The following HDGFL3 variants were observed in gnomAD, a reference collection of about 807,000 sequenced individuals.
HDGFL3 encodes hepatoma-derived growth factor-related protein 3.
A neutral mutation model predicts 27.6 loss-of-function variants in HDGFL3; 6 were observed. That is an observed-to-expected ratio of 0.22 (90% confidence interval 0.12 to 0.43). The LOEUF (loss-of-function observed/expected upper bound fraction) is 0.43. HDGFL3 is among the 20% of genes least tolerant of loss of function. The pLI, the probability that HDGFL3 is intolerant of heterozygous loss-of-function variation, is 1.00. For synonymous variants in HDGFL3, 88 were observed against 88.9 expected (o/e 0.99, Z 0.05); for missense variants, 207 against 250.1 (o/e 0.83, Z 1.16).
intron 5 of HDGFL3, among the ~76,000 whole-genome samples, chr15:83,147,279 C>T (rs1291254255): frequency 6.6e-6 from 1 of 152,064 alleles, no homozygotes; most frequent in African/African-American, 2.4e-5. Context: ...CCAGGATGGT[C>T]TCGATCTCTT....
intron 2 of HDGFL3, 54 bp downstream of exon 2, chr15:83,163,940 TAACAA>T: frequency 1.8e-6 from 2 of 1,081,484 alleles, no homozygotes; most frequent in Non-Finnish European, 2.9e-6. Flanking sequence ...AGATCATCCA[TAACAA>T]TGTAGCATAG....
In HDGFL3 at chr15:83,136,627, A is replaced by G; in HGVS notation, c.*2643T>C. 4 of 1,607,522 alleles carry G rather than the reference A, an allele frequency of 2.5e-6. No individual in the cohort carries two copies. The highest frequency in any genetic ancestry group is 3.4e-6 in the Non-Finnish European group (4 of 1,178,412). ...TCTTGGCCTATCGTTGTATCTACAA[A>G]CCAGAGTTCTTCATAAAAACAAAGG... On this transcript the variant is annotated 3_prime_UTR_variant, in exon 6 of 6. Coordinates refer to ENST00000299633, the MANE Select transcript of HDGFL3 (RefSeq NM_016073.4).
rs747631294 is a variant in HDGFL3 at position 83,158,055 on chromosome 15, T to A, written c.162-14A>T. ...CCTAGAAATGCACTGCAGAGACATA[T>A]TAGAAATAGAATTGACACACTGACC... On this transcript the variant is annotated splice_polypyrimidine_tract_variant and intron_variant, in intron 2 of 5. Coordinates refer to ENST00000299633, the MANE Select transcript of HDGFL3 (RefSeq NM_016073.4). The A allele has an allele frequency of 1.3e-6, 2 of 1,586,582 alleles. No homozygotes were observed. Among genetic ancestry groups the A allele is most frequent in the East Asian group, 4.5e-5 (2 of 44,650 alleles).
At chr15:83,169,414 CAAAAAAAAAAAAAAAAAAAAA>C in intron 1 of HDGFL3, among the ~76,000 whole-genome samples, 1 of 35,568 alleles carries the variant, frequency 2.8e-5, no homozygotes, top group East Asian at 1.0e-3. Flanking sequence ...GACTCCGTCT[CAAAAAAAAAAAAAAAAAAAAA>C]AAAAAAAAAA....
chr15:83,203,512 T>G (rs2037677534), intron 1 of HDGFL3, among the ~76,000 whole-genome samples: 1 of 151,932 alleles, frequency 6.6e-6, no homozygotes, highest in Non-Finnish European at 1.5e-5. Flanking sequence ...AAAAGAAAGA[T>G]TCCTACACAA....
chr15:83,171,069 C>CT (rs1025256169), intron 1 of HDGFL3, among the ~76,000 whole-genome samples: 1 of 152,040 alleles, frequency 6.6e-6, no homozygotes, highest in Non-Finnish European at 1.5e-5. Flanking sequence ...TTTTATTATA[C>CT]TTTAAGTTCT....
intron 3 of HDGFL3, among the ~76,000 whole-genome samples, chr15:83,119,020 C>G (rs1246822046): frequency 6.6e-6 from 1 of 152,156 alleles, no homozygotes. Flanking sequence ...TGGACTCAAT[C>G]CTGTCCATCC....
chr15:83,126,912 G>A (rs2035806381), downstream of HDGFL3: 11 of 1,333,728 alleles, frequency 8.2e-6, no homozygotes, highest in Non-Finnish European at 1.2e-5. Context: ...ATGGGTCCCA[G>A]CTGGGTGCGG....
intron 1 of HDGFL3, among the ~76,000 whole-genome samples, chr15:83,187,742 G>A (rs935046686): frequency 2.0e-5 from 3 of 152,024 alleles, no homozygotes; most frequent in Non-Finnish European, 4.4e-5. Context: ...TACAAAATTA[G>A]CCCGACATGG....
At chr15:83,192,387 T>C (rs2037521926) in intron 1 of HDGFL3, 1 of 438,596 alleles carries the variant, frequency 2.3e-6, no homozygotes, top group Non-Finnish European at 4.5e-6. Context: ...CATTTAATTA[T>C]GGAAAGCAAA....
intron 1 of HDGFL3, among the ~76,000 whole-genome samples, chr15:83,175,132 G>A (rs1214140456): frequency 6.6e-6 from 1 of 152,150 alleles, no homozygotes; most frequent in Non-Finnish European, 1.5e-5. Context: ...GTGCTCTCAA[G>A]TTTGTCACAC....
intron 2 of HDGFL3, among the ~76,000 whole-genome samples, chr15:83,159,506 G>C (rs2037071704): frequency 6.6e-6 from 1 of 152,196 alleles, no homozygotes; most frequent in South Asian, 2.1e-4. Context: ...TGTTCTAGTG[G>C]CAGGGGTGGG....
intron 5 of HDGFL3, among the ~76,000 whole-genome samples, chr15:83,149,223 T>C (rs1217241825): frequency 4.6e-5 from 7 of 152,196 alleles, no homozygotes; most frequent in East Asian, 1.9e-4. Flanking sequence ...AATGAGATAA[T>C]GAATGCAGAC....
Position 83,135,237 on chromosome 15 carries a change from C to T in HDGFL3, c.*4033G>A, listed in dbSNP as rs1451752831. The T allele has an allele frequency of 2.6e-5, 4 of 152,230 alleles. No individual in the cohort carries two copies. The highest frequency in any genetic ancestry group is 4.8e-5 in the African/African-American group (2 of 41,470). The allele number at this position is 152,230 out of a possible 1,614,324, so 9.4% of individuals were successfully genotyped here. A position where few individuals can be genotyped will look rare whatever the true frequency, so the allele number is the denominator to read the frequency against. On this transcript the variant is annotated 3_prime_UTR_variant, in exon 6 of 6. Coordinates refer to ENST00000299633, the MANE Select transcript of HDGFL3 (RefSeq NM_016073.4). ...TTCATAAAGATGCTGCTTAAAAAAACTTGTCCTTTTCTTGTCATGGTGAAG... is the reference window on the plus strand; with the variant it reads ...TTCATAAAGATGCTGCTTAAAAAAATTTGTCCTTTTCTTGTCATGGTGAAG...
chr15:83,124,556 T>G (rs2151370590), downstream of HDGFL3: 1 of 748,606 alleles, frequency 1.3e-6, no homozygotes, highest in African/African-American at 1.8e-5. Flanking sequence ...TGATTTATGA[T>G]ATAAATTGTG....
downstream of HDGFL3, chr15:83,127,222 A>AT: frequency 1.3e-5 from 8 of 638,446 alleles, no homozygotes; most frequent in Non-Finnish European, 1.8e-5. Context: ...AATAAAAGTA[A>AT]AAAAAAAAAA....
intron 1 of HDGFL3, among the ~76,000 whole-genome samples, chr15:83,197,468 T>G (rs1427939730): frequency 6.6e-6 from 1 of 152,184 alleles, no homozygotes; most frequent in East Asian, 1.9e-4. Flanking sequence ...TATCTCACAG[T>G]AGCAAGGCAA....
At chr15:83,190,036 T>C (rs1415946818) in intron 1 of HDGFL3, among the ~76,000 whole-genome samples, 2 of 151,936 alleles carry the variant, frequency 1.3e-5, no homozygotes, top group Non-Finnish European at 2.9e-5. Flanking sequence ...TGAGACCTCA[T>C]CTCTACAAAA....
chr15:83,185,805 C>G (rs2037434880), intron 1 of HDGFL3: 1 of 152,214 alleles, frequency 6.6e-6, no homozygotes, highest in African/African-American at 2.4e-5. Flanking sequence ...TGTGCTGGAT[C>G]TAGTTACTTA....
Sources: allele counts gnomAD v4.1 joint callset (sites outside exome capture counted in the v4.1 genomes callset), GRCh38; gene constraint gnomAD v4.1.1; transcripts MANE v1.5; gene names NCBI Gene and HGNC (gene_info 2026-07-23, HGNC 2026-07-21).